SEMA3A: variants seen among roughly 807,000 people sequenced by gnomAD.
SEMA3A encodes semaphorin-3A.
A neutral mutation model predicts 97.9 loss-of-function variants in SEMA3A; 29 were observed. That is an observed-to-expected ratio of 0.30 (90% CI 0.22 to 0.40). The LOEUF (loss-of-function observed/expected upper bound fraction) is 0.40. Among genes scored for constraint, SEMA3A ranks in the 10% least tolerant of loss-of-function variants. SEMA3A has a pLI of 1.00. For missense variants in SEMA3A, 763 were observed against 951.3 expected (o/e 0.80, Z 2.60); for synonymous variants, 321 against 323.7 (o/e 0.99, Z 0.09).
intron 1 of SEMA3A, among the ~76,000 whole-genome samples, chr7:84,420,788 T>C (rs759250237): frequency 1.3e-5 from 2 of 152,118 alleles, no homozygotes; most frequent in African/African-American, 2.4e-5. Flanking sequence ...GAGGTGTATA[T>C]AGTATTCTTG....
chr7:84,102,530 A>C (rs966004105), intron 4 of SEMA3A, among the ~76,000 whole-genome samples: 1 of 151,372 alleles, frequency 6.6e-6, no homozygotes, highest in African/African-American at 2.4e-5. Context: ...AGGGCTATAA[A>C]ATTAGGGCAA....
chr7:84,052,436 T>A (rs1159227274), intron 5 of SEMA3A, among the ~76,000 whole-genome samples: 7 of 152,296 alleles, frequency 4.6e-5, no homozygotes, highest in African/African-American at 1.7e-4. Context: ...TGGTTTAGTC[T>A]TGGGAGAGTG....
At chr7:84,425,510 T>A (rs1804792225) in intron 1 of SEMA3A, among the ~76,000 whole-genome samples, 1 of 143,138 alleles carries the variant, frequency 7.0e-6, no homozygotes, top group South Asian at 2.1e-4. Flanking sequence ...TATAATATAT[T>A]CATATGAATA....
chr7:84,425,273 T>C (rs1361063935), intron 1 of SEMA3A, among the ~76,000 whole-genome samples: 5 of 124,406 alleles, frequency 4.0e-5, no homozygotes, highest in East Asian at 4.6e-4. Context: ...TTTAAATATG[T>C]ATTTATATAA....
Position 84,150,964 on chromosome 7 carries a change from C to A in SEMA3A, c.113-16013G>T, listed in dbSNP as rs1202684831. On this transcript the variant is annotated intron_variant, in intron 1 of 16. Transcript: ENST00000265362. ...CCTGAGCAGCCTAACTGGGAGGCAC[C>A]CCCCAGCAGGGGCACACTGACACCT... Among the ~76,000 whole-genome samples the A allele has an allele frequency of 4.7e-5, 7 of 149,792 alleles. No homozygotes were observed. In the South Asian group the frequency reaches 1.5e-3, roughly 33 times the overall value.
At chr7:84,188,392 A>G (rs1002681693) in intron 1 of SEMA3A, among the ~76,000 whole-genome samples, 2 of 152,008 alleles carry the variant, frequency 1.3e-5, no homozygotes, top group African/African-American at 4.8e-5. Flanking sequence ...AGTGGGAGAT[A>G]GTAGCTGGAG....
chr7:84,101,136 A>T (rs1175242561), intron 4 of SEMA3A, among the ~76,000 whole-genome samples: 1 of 152,128 alleles, frequency 6.6e-6, no homozygotes, highest in Admixed American at 6.6e-5. Flanking sequence ...ATCAGTACAA[A>T]CACATCTTAG....
At chr7:84,194,833 T>G (rs1038263038), upstream of SEMA3A, 1 of 291,122 alleles carries the variant, frequency 3.4e-6, no homozygotes, top group Admixed American at 5.3e-5. Flanking sequence ...AGGCACCGGA[T>G]AATGAGGCAC....
intron 3 of SEMA3A, among the ~76,000 whole-genome samples, chr7:84,120,415 T>C (rs1230411745): frequency 6.6e-6 from 1 of 152,154 alleles, no homozygotes; most frequent in Admixed American, 6.6e-5. Context: ...ACATACAAAA[T>C]GCATTTAGAT....
chr7:84,488,336 A>ACG (rs1473827194), intron 1 of SEMA3A, among the ~76,000 whole-genome samples: 2 of 151,886 alleles, frequency 1.3e-5, no homozygotes, highest in African/African-American at 2.4e-5. Flanking sequence ...ACACACACAC[A>ACG]CACACACACA....
intron 1 of SEMA3A, among the ~76,000 whole-genome samples, chr7:84,469,514 T>C (rs1482988711): frequency 6.6e-6 from 1 of 152,160 alleles, no homozygotes; most frequent in Non-Finnish European, 1.5e-5. Flanking sequence ...TGATACAAAA[T>C]AATAAAGTGC....
intron 5 of SEMA3A, among the ~76,000 whole-genome samples, chr7:84,051,415 A>T (rs1316408291): frequency 6.6e-6 from 1 of 152,156 alleles, no homozygotes; most frequent in Admixed American, 6.5e-5. Context: ...CTCCTTAAAG[A>T]GGTCCTTCAC....
chr7:84,271,532 A>G (rs185509256), intron 3 of SEMA3A, among the ~76,000 whole-genome samples: 36 of 152,310 alleles, frequency 2.4e-4, no homozygotes, highest in East Asian at 1.9e-4. Context: ...ATGTAAATAA[A>G]GAGAAAATGA....
At chr7:84,419,332 GCA>G (rs1804524101) in intron 1 of SEMA3A, among the ~76,000 whole-genome samples, 2 of 152,072 alleles carry the variant, frequency 1.3e-5, no homozygotes, top group South Asian at 4.1e-4. Flanking sequence ...TGTTATAGAA[GCA>G]CAATGTAGTA....
intron 5 of SEMA3A, among the ~76,000 whole-genome samples, chr7:84,054,853 T>G (rs1308842518): frequency 6.8e-6 from 1 of 147,674 alleles, no homozygotes; most frequent in East Asian, 2.1e-4. Context: ...TTTTGGTCTT[T>G]GATGATGGTG....
intron 3 of SEMA3A, among the ~76,000 whole-genome samples, chr7:84,114,577 GA>G (rs1795369164): frequency 7.3e-6 from 1 of 137,450 alleles, no homozygotes; most frequent in Non-Finnish European, 1.6e-5. Context: ...ATTTCTGCCT[GA>G]AAACCCATTA....
chr7:84,423,652 G>T (rs1392408550), intron 1 of SEMA3A, among the ~76,000 whole-genome samples: 3 of 151,050 alleles, frequency 2.0e-5, no homozygotes, highest in African/African-American at 4.9e-5. Context: ...CATTTTCTTT[G>T]TTTCCCCAAA....
At chr7:84,296,920 C>T (rs1181128914) in intron 3 of SEMA3A, among the ~76,000 whole-genome samples, 1 of 152,098 alleles carries the variant, frequency 6.6e-6, no homozygotes, top group African/African-American at 2.4e-5. Flanking sequence ...TCAATTTTGT[C>T]ATAGTATTCA....
chr7:84,491,688 A>G (rs1416912088), intron 1 of SEMA3A, among the ~76,000 whole-genome samples: 5 of 152,174 alleles, frequency 3.3e-5, no homozygotes, highest in Non-Finnish European at 7.3e-5. Context: ...GGTTGTACTT[A>G]GATCAAATCT....
Sources: allele counts gnomAD v4.1 joint callset (sites outside exome capture counted in the v4.1 genomes callset), GRCh38; gene constraint gnomAD v4.1.1; transcripts MANE v1.5; gene names NCBI Gene and HGNC (gene_info 2026-07-23, HGNC 2026-07-21).